Variants in ARHGAP32 observed in about 807,000 individuals in gnomAD.
ARHGAP32 encodes the protein Rho GTPase activating protein 32, also known as rho GTPase-activating protein 32.
In ARHGAP32, 51 loss-of-function variants were observed where a neutral mutation model predicts 186.5. The ratio of observed to expected loss-of-function variants is 0.27; its 90% CI spans 0.22 to 0.35. The LOEUF (loss-of-function observed/expected upper bound fraction) is 0.35. Among genes scored for constraint, ARHGAP32 ranks in the 10% least tolerant of loss-of-function variants. The pLI is 1.00. For missense variants in ARHGAP32, 2,186 were observed against 2,623.5 expected (o/e 0.83, Z 3.64); for synonymous variants, 950 against 964.3 (o/e 0.99, Z 0.27).
intron 10 of ARHGAP32, among the ~76,000 whole-genome samples, chr11:129,052,111 A>T (rs1304408619): frequency 6.6e-6 from 1 of 152,238 alleles, no homozygotes; most frequent in African/African-American, 2.4e-5. Context: ...TAAAATAAAT[A>T]AAGTTTACTT....
chr11:129,106,158 G>A (rs575311801), intron 5 of ARHGAP32, among the ~76,000 whole-genome samples: 3 of 152,140 alleles, frequency 2.0e-5, no homozygotes, highest in Admixed American at 6.5e-5. Flanking sequence ...TTGACCCAGC[G>A]ATCCCATTAC....
chr11:129,004,500 T>A (rs993474747), intron 11 of ARHGAP32, among the ~76,000 whole-genome samples: 3 of 152,138 alleles, frequency 2.0e-5, no homozygotes, highest in Non-Finnish European at 4.4e-5. Flanking sequence ...TTGGGATCTA[T>A]CTCTCTCTTT....
chr11:129,265,535 A>G (rs1328070684), intron 1 of ARHGAP32, among the ~76,000 whole-genome samples: 1 of 152,208 alleles, frequency 6.6e-6, no homozygotes, highest in Non-Finnish European at 1.5e-5. Flanking sequence ...TTGAAGGGCA[A>G]AAAGACCTGG....
chr11:128,998,610 A>T (rs976619905), intron 11 of ARHGAP32, 142 bp from the exon 12 acceptor site: 77 of 557,998 alleles, frequency 1.4e-4, no homozygotes, highest in South Asian at 5.1e-4. Flanking sequence ...AAATGTCAGT[A>T]CAAGTTTAAG....
chr11:129,140,027 A>G (rs1943018935), intron 2 of ARHGAP32, among the ~76,000 whole-genome samples: 1 of 152,164 alleles, frequency 6.6e-6, no homozygotes, highest in Non-Finnish European at 1.5e-5. Context: ...ATCTTAAAAT[A>G]TAAAAATTAT....
intron 5 of ARHGAP32, among the ~76,000 whole-genome samples, chr11:129,099,238 G>C (rs1171412058): frequency 1.3e-5 from 2 of 152,158 alleles, no homozygotes; most frequent in African/African-American, 4.8e-5. Flanking sequence ...TTTGGTCAAT[G>C]ACAAACTGCA....
chr11:129,112,892 G>A (rs866573448), intron 5 of ARHGAP32, among the ~76,000 whole-genome samples: 2 of 152,162 alleles, frequency 1.3e-5, no homozygotes, highest in South Asian at 2.1e-4. Flanking sequence ...TTCAATATGA[G>A]ATAAAAAGGT....
intron 8 of ARHGAP32, 78 bp from the exon 9 acceptor site, chr11:129,064,102 C>A (rs1477770640): frequency 2.6e-5 from 32 of 1,253,302 alleles, no homozygotes; most frequent in Admixed American, 8.7e-5. Flanking sequence ...AAAAGAAATT[C>A]ATTTTAATTT....
intron 2 of ARHGAP32, among the ~76,000 whole-genome samples, chr11:129,146,832 T>C (rs1166700941): frequency 6.6e-6 from 1 of 152,068 alleles, no homozygotes; most frequent in Non-Finnish European, 1.5e-5. Flanking sequence ...TCAATAAAAA[T>C]GTAATACTTA....
At chr11:129,066,595 T>C (rs1940697633) in intron 7 of ARHGAP32, 136 bp downstream of exon 7, 1 of 687,814 alleles carries the variant, frequency 1.5e-6, no homozygotes, top group Non-Finnish European at 2.2e-6. Flanking sequence ...TACTAACTTT[T>C]CAGTTATGAA....
At chr11:128,982,888 C>CT (rs1163183047) in intron 15 of ARHGAP32, among the ~76,000 whole-genome samples, 51 of 63,990 alleles carry the variant, frequency 8.0e-4, no homozygotes, top group Admixed American at 3.5e-3. Flanking sequence ...GAGACCTTGT[C>CT]TTTAAAAAAA....
intron 5 of ARHGAP32, among the ~76,000 whole-genome samples, chr11:129,121,949 T>G (rs1942542046): frequency 6.6e-6 from 1 of 152,046 alleles, no homozygotes; most frequent in African/African-American, 2.4e-5. Context: ...CATTATAAAC[T>G]CTTTAAATAT....
intron 6 of ARHGAP32, among the ~76,000 whole-genome samples, chr11:129,068,847 T>A (rs1158466203): frequency 6.6e-6 from 1 of 152,044 alleles, no homozygotes; most frequent in Non-Finnish European, 1.5e-5. Context: ...TCTGAGACTG[T>A]CCCCTCAATT....
chr11:129,010,534 T>C (rs988701888), intron 11 of ARHGAP32, among the ~76,000 whole-genome samples: 2 of 152,206 alleles, frequency 1.3e-5, no homozygotes, highest in East Asian at 1.9e-4. Flanking sequence ...TCCCAATCCA[T>C]TTATTAAATA....
chr11:129,043,269 C>T (rs1235131545), intron 10 of ARHGAP32, among the ~76,000 whole-genome samples: 4 of 152,010 alleles, frequency 2.6e-5, no homozygotes, highest in Non-Finnish European at 5.9e-5. Flanking sequence ...TACCTTGGCC[C>T]CAATTTGATG....
chr11:129,064,074 G>C (rs773467715), intron 8 of ARHGAP32, 50 bp from the exon 9 acceptor site: 2 of 1,502,654 alleles, frequency 1.3e-6, no homozygotes, highest in Admixed American at 4.4e-5. Context: ...ACTTGCAAAT[G>C]CTTCTTTGAC....
intron 12 of ARHGAP32, chr11:128,993,210 C>A (rs1044542210): frequency 3.9e-5 from 6 of 152,032 alleles, no homozygotes; most frequent in African/African-American, 1.4e-4. Flanking sequence ...AACCATTTAG[C>A]AAAACAAAAT....
At chr11:129,276,818 T>C (rs1475352641) in intron 1 of ARHGAP32, among the ~76,000 whole-genome samples, 1 of 152,184 alleles carries the variant, frequency 6.6e-6, no homozygotes, top group Non-Finnish European at 1.5e-5. Context: ...TGATCCCTAT[T>C]TTATAAAATG....
rs764239485 is a variant in ARHGAP32 at position 128,969,287 on chromosome 11, G to T, written c.5926C>A (p.His1976Asn). The change falls in exon 23 of 23, where the codon CAC becomes AAC. Residue 1976 changes from histidine (H) to asparagine (N), a missense_variant. His to Asn is a moderately conservative substitution (Grantham distance 68, BLOSUM62 1). Coordinates refer to ENST00000682385, the MANE Select transcript of ARHGAP32 (RefSeq NM_001378024.1). The surrounding 1 kb of genome is among the most constrained non-coding windows in gnomAD (Gnocchi z 4.8). ...TCCTCCTTGTAGCAGTCTCTGGAGT[G>T]TTTCTCTGGGGCAGAAGGCTGCCTA... ...WVRQPSAPEK[H>N]SRDCYKEEEH... 6.2e-7 allele frequency: 1 copy of T among 1,614,224 alleles called. No individual in the cohort carries two copies. Among genetic ancestry groups the T allele is most frequent in the Admixed American group, 1.7e-5 (1 of 60,020 alleles).
Sources: gnomAD v4.1 joint callset for allele counts (sites outside exome capture counted in the v4.1 genomes callset) on GRCh38, gnomAD v4.1.1 for gene constraint, Gnocchi (gnomAD v3.1) non-coding constraint, MANE v1.5 for transcripts, NCBI Gene and HGNC (gene_info 2026-07-23, HGNC 2026-07-21) for gene names.